The following SZT2 variants were observed in gnomAD, a reference collection of about 807,000 sequenced individuals.
SZT2 encodes SZT2 subunit of KICSTOR complex, also known as KICSTOR complex protein SZT2.
SZT2 carries 216 observed loss-of-function variants against 404.2 expected under a neutral mutation model. The observed-to-expected ratio is 0.53, with a 90% CI of 0.48 to 0.60. The LOEUF (loss-of-function observed/expected upper bound fraction) is 0.60. SZT2 is among the 20% of genes least tolerant of loss of function. SZT2 has a pLI of 0.00. For synonymous variants in SZT2, 1,693 were observed against 1,749.9 expected (o/e 0.97, Z 0.81); for missense variants, 3,857 against 4,459.2 (o/e 0.86, Z 3.85).
At chr1:43,428,537 T>C in intron 28 of SZT2, 51 bp downstream of exon 28, 1 of 1,585,038 alleles carries the variant, frequency 6.3e-7, no homozygotes. Context: ...ACCAAGTCCC[T>C]ATAAACAAGG....
chr1:43,442,293 G>C lies in SZT2; in HGVS notation c.7899G>C (p.Glu2633Asp). The C allele has an allele frequency of 6.2e-7, 1 of 1,614,046 alleles. No homozygotes were observed. Among genetic ancestry groups the C allele is most frequent in the Non-Finnish European group, 8.5e-7 (1 of 1,179,962 alleles). The change falls in exon 57 of 72, where the codon GAG (glutamate) becomes GAC (aspartate). Residue 2633 changes from glutamate to aspartate, a missense_variant. Glu to Asp is a conservative substitution (Grantham distance 45). This residue lies in a region of SZT2 where 573 missense variants were observed against 592.4 expected (regional missense o/e 0.97). Transcript: ENST00000634258. This position sits in a 1 kb window ranked among gnomAD's most constrained non-coding sequence, Gnocchi z 4.5. The stretch of plus-strand genomic sequence containing the variant: ...CTGCCAAAGCCATGCAGCGCTTCGA[G>C]CCAGGAGGTGATGGGAGCTCAGGGC... ...QQAAKAMQRFEPGGDGSSGRN... is the reference protein window; with the variant it reads ...QQAAKAMQRFDPGGDGSSGRN...
chr1:43,447,254 G>T, intron 66 of SZT2, 86 bp downstream of exon 66: 1 of 1,398,488 alleles, frequency 7.2e-7, no homozygotes. Flanking sequence ...CCACCTCCCT[G>T]GACAAGTGGT....
rs1437824989 is a variant in SZT2, at chr1:43,431,335, G to A, written c.4987G>A (p.Gly1663Ser). The A allele has an allele frequency of 1.2e-6, 2 of 1,613,012 alleles. No individual in the cohort carries two copies. The highest frequency in any genetic ancestry group is 1.7e-6 in the Non-Finnish European group (2 of 1,179,270). Residue 1663 changes from glycine (G) to serine (S), a missense_variant, in exon 34 of 72, where the codon GGC becomes AGC. Physicochemically the swap from Gly to Ser is moderately conservative, Grantham distance 56. This residue lies in a region of SZT2 where 1,725 missense variants were observed against 1,881.0 expected (regional missense o/e 0.92). Coordinates refer to ENST00000634258, the MANE Select transcript of SZT2 (RefSeq NM_001365999.1). ...GQPSSLRSDD[G>S]LGPPLPPPEE... ...GCCATCATCTTTAAGGTCAGATGAT[G>A]GCCTCGGGCCCCCACTGCCACCCCC...
Position 43,429,687 on chromosome 1 carries a change from T to C in SZT2, c.4167-16T>C. 6.2e-7 allele frequency: 1 copy of C among 1,614,158 alleles called. No homozygotes were observed. The highest frequency in any genetic ancestry group is 8.5e-7 in the Non-Finnish European group (1 of 1,180,028). ...ATGGTTCTTAACACTTCAACATCCT[T>C]ACCCCAACCATTCAGCATAGAGACC... On this transcript the variant is annotated splice_polypyrimidine_tract_variant and intron_variant, in intron 28 of 71. Transcript: ENST00000634258.
Position 43,389,966 on chromosome 1 carries a change from G to GTGA in SZT2, c.1_3dup. 7.0e-7 allele frequency: 1 copy of GTGA among 1,424,966 alleles called. No individual in the cohort carries two copies. The highest frequency in any genetic ancestry group is 2.8e-5 in the East Asian group (1 of 35,928). The allele number at this position is 1,424,966 out of a possible 1,614,324, so 88.3% of individuals were successfully genotyped here. Reference sequence around the variant, plus strand: ...GCCCGGGCCGGCGCGGGAGGGCTGTGTGATGGCCTCGGAGCGCCCGGAGCC... The same window carrying GTGA: ...GCCCGGGCCGGCGCGGGAGGGCTGTGTGATGATGGCCTCGGAGCGCCCGGAGCC... On this transcript the variant is annotated 5_prime_UTR_variant, in exon 1 of 72. In the 5' UTR this introduces an upstream ATG that the reference lacks. Coordinates refer to ENST00000634258, the MANE Select transcript of SZT2 (RefSeq NM_001365999.1).
chr1:43,451,358 C>G lies in SZT2; in HGVS notation c.*878C>G, dbSNP rs777229657. 1.2e-6 allele frequency: 2 copies of G among 1,612,376 alleles called. No individual in the cohort carries two copies. The highest frequency in any genetic ancestry group is 2.2e-5 in the South Asian group (2 of 91,084). On this transcript the variant is annotated 3_prime_UTR_variant, in exon 72 of 72. Coordinates refer to ENST00000634258, the MANE Select transcript of SZT2 (RefSeq NM_001365999.1). ...GGCACCTCAGCCCACAAGGAGAAAA[C>G]AGCCCCTGTCCGGGTCCCTCCAGAG...
At chr1:43,421,339 G>A (rs1341466741) in intron 11 of SZT2, 36 bp downstream of exon 11, 2 of 1,592,536 alleles carry the variant, frequency 1.3e-6, no homozygotes, top group Non-Finnish European at 1.7e-6. Context: ...CCCATTTCAT[G>A]TCAACTTGGG....
rs1056548319 is a variant in SZT2, at chr1:43,425,262, A to G, written c.2645+55A>G. ...CTGCAGAGTCAGCCTTCTCCCCACC[A>G]TCCCCTAGAGGTCTGGCTCCCATAT... On this transcript the variant is annotated intron_variant, in intron 18 of 71. Transcript: ENST00000634258. This position sits in a 1 kb window ranked among gnomAD's most constrained non-coding sequence, Gnocchi z 4.3. 1.1e-5 allele frequency: 17 copies of G among 1,600,110 alleles called. No individual in the cohort carries two copies. The African/African-American group carries it at 1.9e-4, about 18-fold the overall frequency.
chr1:43,437,646 C>G lies in SZT2; in HGVS notation c.6342C>G (p.Pro2114=), dbSNP rs761025868. The change falls in exon 45 of 72, where the codon CCC becomes CCG. Residue 2114 remains proline (P), a synonymous_variant. Transcript: ENST00000634258. The surrounding 1 kb of genome is among the most constrained non-coding windows in gnomAD (Gnocchi z 5.3). ...SDRPWKGDAL[P]PSLALSRSQE... Reference sequence around the variant, plus strand: ...GGCCATGGAAAGGGGATGCGCTGCCCCCTTCCCTCGCTCTGTCCCGAAGCC... The same window carrying G: ...GGCCATGGAAAGGGGATGCGCTGCCGCCTTCCCTCGCTCTGTCCCGAAGCC... 3.1e-6 allele frequency: 5 copies of G among 1,614,060 alleles called. No homozygotes were observed. Among genetic ancestry groups the G allele is most frequent in the Non-Finnish European group, 2.5e-6 (3 of 1,179,998 alleles).
Position 43,448,517 on chromosome 1 carries a change from A to T in SZT2, c.9969+33A>T. 2 of 1,610,144 alleles carry T rather than the reference A, an allele frequency of 1.2e-6. No homozygotes were observed. Among genetic ancestry groups the T allele is most frequent in the Non-Finnish European group, 8.5e-7 (1 of 1,177,668 alleles). Reference sequence around the variant, plus strand: ...ACTGTGGGCTCCCGAAAGAGCTGGGATAGGTGCCAGGAATTCCACTGGCAG... The same window carrying T: ...ACTGTGGGCTCCCGAAAGAGCTGGGTTAGGTGCCAGGAATTCCACTGGCAG... On this transcript the variant is annotated intron_variant, in intron 69 of 71. Coordinates refer to ENST00000634258, the MANE Select transcript of SZT2 (RefSeq NM_001365999.1). The surrounding 1 kb of genome is among the most constrained non-coding windows in gnomAD (Gnocchi z 4.2).
chr1:43,415,930 C>T lies in SZT2; in HGVS notation c.631-30C>T, dbSNP rs545182738. 3.1e-5 allele frequency: 49 copies of T among 1,584,288 alleles called. No individual in the cohort carries two copies. In the South Asian group the frequency reaches 5.3e-4, roughly 17 times the overall value. On this transcript the variant is annotated intron_variant, in intron 5 of 71. Transcript: ENST00000634258. ...GGATGGGGCAGCAATGCCATCTGCCCCATTCTGTCTTTTCTGTAACTTGGG... is the reference window on the plus strand; with the variant it reads ...GGATGGGGCAGCAATGCCATCTGCCTCATTCTGTCTTTTCTGTAACTTGGG...
At position 43,420,313 on chromosome 1, in the gene SZT2, A is replaced by G. The variant is rs751283073; in HGVS notation, c.1251A>G (p.Thr417=). ...LREGYSVREV[T]LAKGGSQLEV... is the part of the protein sequence containing the mutation. ...AGGGCTACAGTGTCCGAGAGGTCACACTGGCCAAAGGTAAGGGTCATTAGG... is the reference window on the plus strand; with the variant it reads ...AGGGCTACAGTGTCCGAGAGGTCACGCTGGCCAAAGGTAAGGGTCATTAGG... The change falls in exon 9 of 72, where the codon ACA becomes ACG. Residue 417 remains threonine, a synonymous_variant. Coordinates refer to ENST00000634258, the MANE Select transcript of SZT2 (RefSeq NM_001365999.1). The surrounding 1 kb of genome is among the most constrained non-coding windows in gnomAD (Gnocchi z 5.1). 9 of 1,592,634 alleles carry G rather than the reference A, an allele frequency of 5.7e-6. No homozygotes were observed. Among genetic ancestry groups the G allele is most frequent in the Non-Finnish European group, 6.8e-6 (8 of 1,176,830 alleles).
rs764438956 is a variant in SZT2, at chr1:43,451,768, C to G, written c.*1288C>G. ...AGACCCCGCAGGCCCCGCCCTCCTT[C>G]CGATCTGCGAAGTACCCCCTTCCAC... On this transcript the variant is annotated 3_prime_UTR_variant, in exon 72 of 72. Transcript: ENST00000634258. 11 of 1,613,918 alleles carry G rather than the reference C, an allele frequency of 6.8e-6. No homozygotes were observed. Among genetic ancestry groups the G allele is most frequent in the African/African-American group, 4.0e-5 (3 of 74,922 alleles).
intron 28 of SZT2, 40 bp downstream of exon 28, chr1:43,428,526 G>T (rs763329995): frequency 1.3e-6 from 2 of 1,594,024 alleles, no homozygotes; most frequent in South Asian, 2.2e-5. Context: ...GGGGTACACA[G>T]ACCAAGTCCC....
At chr1:43,408,719 G>A (rs1457774949) in intron 4 of SZT2, among the ~76,000 whole-genome samples, 1 of 152,122 alleles carries the variant, frequency 6.6e-6, no homozygotes, top group Admixed American at 6.5e-5. Flanking sequence ...GGCCACTTGA[G>A]TTGTCTCAGT....
Position 43,431,043 on chromosome 1 carries a change from G to T in SZT2, c.4869G>T (p.Leu1623Phe), listed in dbSNP as rs1570670458. ...SVTLDVFMLTLPLEVELPTAS... is the reference protein window; with the variant it reads ...SVTLDVFMLTFPLEVELPTAS... The stretch of plus-strand genomic sequence containing the variant: ...CTCTGGATGTCTTCATGCTGACTTT[G>T]CCCCTGGAAGTGGAGCTCCCCACGG... Residue 1623 changes from leucine to phenylalanine, a missense_variant, in exon 33 of 72, where the codon TTG becomes TTT. Coordinates refer to ENST00000634258, the MANE Select transcript of SZT2 (RefSeq NM_001365999.1). 2 of 1,614,160 alleles carry T rather than the reference G, an allele frequency of 1.2e-6. No homozygotes were observed. Among genetic ancestry groups the T allele is most frequent in the East Asian group, 4.5e-5 (2 of 44,870 alleles).
In SZT2 at chr1:43,423,184, G is replaced by A. The variant is rs765694166; in HGVS notation, c.2123G>A (p.Arg708Gln). 2.2e-5 allele frequency: 35 copies of A among 1,597,566 alleles called. No individual in the cohort carries two copies. Among genetic ancestry groups the A allele is most frequent in the South Asian group, 1.5e-4 (14 of 90,950 alleles). ...AAGGAGCCAACGCCCAAGGTGAAAC[G>A]AAAAGGGCTAGGGGGTGCTGGTGGG... Reference protein sequence around the residue: ...QSKEPTPKVKRKGLGGAGGGS... With the variant: ...QSKEPTPKVKQKGLGGAGGGS... Residue 708 changes from arginine to glutamine, a missense_variant, in exon 15 of 72, where the codon CGA becomes CAA. Arg to Gln is a conservative substitution (Grantham distance 43). Coordinates refer to ENST00000634258, the MANE Select transcript of SZT2 (RefSeq NM_001365999.1).
At chr1:43,402,567 G>C (rs1310888561) in intron 1 of SZT2, among the ~76,000 whole-genome samples, 1 of 152,226 alleles carries the variant, frequency 6.6e-6, no homozygotes, top group African/African-American at 2.4e-5. Flanking sequence ...GGAAGGACAA[G>C]GACATGGGCA....
intron 4 of SZT2, 58 bp downstream of exon 4, chr1:43,404,608 A>G (rs1650077208): frequency 1.3e-6 from 2 of 1,554,834 alleles, no homozygotes; most frequent in East Asian, 2.3e-5. Context: ...TAGTCCTCTG[A>G]CCAAGTCCTT....
Sources: allele counts gnomAD v4.1 joint callset (sites outside exome capture counted in the v4.1 genomes callset), GRCh38; gene constraint gnomAD v4.1.1; regional missense constraint gnomAD v4.1.1; non-coding constraint Gnocchi (gnomAD v3.1); transcripts MANE v1.5; gene names NCBI Gene and HGNC (gene_info 2026-07-23, HGNC 2026-07-21).